PTPRD: variants seen among roughly 807,000 people sequenced by gnomAD.
PTPRD encodes the protein receptor-type tyrosine-protein phosphatase delta.
In PTPRD, 34 loss-of-function variants were observed where a neutral mutation model predicts 214.5. The observed-to-expected ratio is 0.16, with a 90% CI of 0.12 to 0.21. The LOEUF (loss-of-function observed/expected upper bound fraction) is 0.21. Ranked by LOEUF, PTPRD falls within the 10% of genes least tolerant of loss-of-function variation. The pLI is 1.00. For synonymous variants in PTPRD, 1,128 were observed against 845.7 expected, an observed-to-expected ratio of 1.33 and a Z score of -5.79; for missense variants, 2,545 against 2,398.7, an observed-to-expected ratio of 1.06 and a Z score of -1.27.
intron 3 of PTPRD, among the ~76,000 whole-genome samples, chr9:10,094,039 T>C (rs146159883): frequency 1.1e-3 from 171 of 151,398 alleles, no homozygotes; most frequent in African/African-American, 3.9e-3. Flanking sequence ...CTCAGCATCA[T>C]GCAATATATC....
At chr9:9,751,086 T>C (rs991479989) in intron 6 of PTPRD, among the ~76,000 whole-genome samples, 1 of 152,088 alleles carries the variant, frequency 6.6e-6, no homozygotes, top group South Asian at 2.1e-4. Context: ...TGAATGAAGA[T>C]TCTAAACATG....
intron 5 of PTPRD, among the ~76,000 whole-genome samples, chr9:9,910,024 T>C (rs956464787): frequency 5.3e-5 from 8 of 151,956 alleles, no homozygotes; most frequent in Non-Finnish European, 8.8e-5. Context: ...GGTAAATATA[T>C]GGTCTCTGGA....
At chr9:10,228,636 C>G (rs1419566969) in intron 3 of PTPRD, among the ~76,000 whole-genome samples, 3 of 151,168 alleles carry the variant, frequency 2.0e-5, no homozygotes, top group African/African-American at 4.9e-5. Flanking sequence ...TTCACCTGCT[C>G]TATCTGTATT....
chr9:8,433,834 A>C (rs2095217267), intron 35 of PTPRD, among the ~76,000 whole-genome samples: 1 of 152,198 alleles, frequency 6.6e-6, no homozygotes, highest in Non-Finnish European at 1.5e-5. Flanking sequence ...GTATAGCTTA[A>C]GTTTATAGTG....
rs114262255 is a variant in PTPRD, at chr9:8,901,668, C to T, written c.-104+117029G>A. Reference sequence around the variant, plus strand: ...TTCCCCTTCTTTCTCTGGCTACTCCCAATTAATTAGCCATGCTAGTGTATC... The same window carrying T: ...TTCCCCTTCTTTCTCTGGCTACTCCTAATTAATTAGCCATGCTAGTGTATC... On this transcript the variant is annotated intron_variant, in intron 11 of 45. Coordinates refer to ENST00000381196, the MANE Select transcript of PTPRD (RefSeq NM_002839.4). Among the ~76,000 whole-genome samples, 232 of 152,264 alleles carry T rather than the reference C, an allele frequency of 1.5e-3. 1 individual carries two copies. The highest frequency in any genetic ancestry group is 5.3e-3 in the African/African-American group (219 of 41,558).
chr9:8,650,618 C>T (rs1314166655), intron 12 of PTPRD, among the ~76,000 whole-genome samples: 2 of 150,276 alleles, frequency 1.3e-5, no homozygotes, highest in Non-Finnish European at 2.9e-5. Flanking sequence ...CTTGCCTATA[C>T]ACCAGTGTTT....
chr9:8,518,221 T>C lies in PTPRD; in HGVS notation c.1170A>G (p.Glu390=), dbSNP rs1307669730. 2 of 1,614,042 alleles carry C rather than the reference T, an allele frequency of 1.2e-6. No homozygotes were observed. Among genetic ancestry groups the C allele is most frequent in the African/African-American group, 2.7e-5 (2 of 74,928 alleles). ...TGTTATTGACAGCAACAACCCTGAA[T>C]TCATAATCCGAGTAGGGACTTAGTC... The part of the protein sequence containing the change: ...VAGLSPYSDY[E]FRVVAVNNIG... Residue 390 remains glutamate, a synonymous_variant, in exon 21 of 46, where the codon GAA becomes GAG. Coordinates refer to ENST00000381196, the MANE Select transcript of PTPRD (RefSeq NM_002839.4).
chr9:8,580,791 C>T (rs574963012), intron 14 of PTPRD, among the ~76,000 whole-genome samples: 42 of 152,206 alleles, frequency 2.8e-4, no homozygotes, highest in Middle Eastern at 6.8e-3. Context: ...CACACACACA[C>T]GCTTATATAA....
At chr9:8,698,497 A>G (rs906790901) in intron 12 of PTPRD, among the ~76,000 whole-genome samples, 1 of 152,230 alleles carries the variant, frequency 6.6e-6, no homozygotes, top group Admixed American at 6.5e-5. Context: ...ATTAACAAAT[A>G]GCTGGATTTA....
chr9:8,906,421 G>A (rs2098708140), intron 11 of PTPRD, among the ~76,000 whole-genome samples: 1 of 152,072 alleles, frequency 6.6e-6, no homozygotes, highest in Non-Finnish European at 1.5e-5. Flanking sequence ...AAGTTACTTT[G>A]TCTTGATATA....
chr9:10,310,668 A>G (rs1405816547), intron 3 of PTPRD, among the ~76,000 whole-genome samples: 1 of 152,116 alleles, frequency 6.6e-6, no homozygotes, highest in Admixed American at 6.6e-5. Context: ...CCCAATGGAC[A>G]TTAAAGCTTT....
intron 2 of PTPRD, among the ~76,000 whole-genome samples, chr9:10,516,099 G>C (rs538935848): frequency 2.0e-5 from 3 of 151,890 alleles, no homozygotes; most frequent in East Asian, 3.9e-4. Context: ...TCCAAAAATA[G>C]GATTGATGGG....
chr9:8,873,302 T>C (rs2098334138), intron 11 of PTPRD, among the ~76,000 whole-genome samples: 3 of 152,226 alleles, frequency 2.0e-5, no homozygotes, highest in African/African-American at 4.8e-5. Flanking sequence ...ATCTCTATCC[T>C]ATTGCCCTGC....
At chr9:10,157,671 T>C (rs922339183) in intron 3 of PTPRD, among the ~76,000 whole-genome samples, 7 of 152,150 alleles carry the variant, frequency 4.6e-5, no homozygotes, top group Non-Finnish European at 1.0e-4. Flanking sequence ...TAAATGTAAA[T>C]GTTGGCCTTT....
chr9:8,761,993 A>G (rs542923209), intron 11 of PTPRD, among the ~76,000 whole-genome samples: 2 of 152,298 alleles, frequency 1.3e-5, no homozygotes, highest in South Asian at 4.1e-4. Context: ...CAGATGCCCA[A>G]TTTAGGTACA....
At chr9:9,551,501 T>C (rs944517729) in intron 8 of PTPRD, among the ~76,000 whole-genome samples, 2 of 151,928 alleles carry the variant, frequency 1.3e-5, no homozygotes, top group African/African-American at 4.8e-5. Flanking sequence ...TATATATATA[T>C]GAAAATTCAC....
At chr9:9,259,721 C>A (rs1490052208) in intron 9 of PTPRD, among the ~76,000 whole-genome samples, 1 of 151,868 alleles carries the variant, frequency 6.6e-6, no homozygotes, top group East Asian at 2.0e-4. Flanking sequence ...ACAATTATCA[C>A]CAATAAACTT....
intron 39 of PTPRD, among the ~76,000 whole-genome samples, chr9:8,352,955 A>G (rs911820250): frequency 2.0e-5 from 3 of 152,068 alleles, no homozygotes; most frequent in African/African-American, 7.2e-5. Context: ...TACTAAAACT[A>G]CAAAAATTAG....
intron 4 of PTPRD, among the ~76,000 whole-genome samples, chr9:9,992,941 A>C (rs933733255): frequency 3.3e-5 from 5 of 151,578 alleles, no homozygotes; most frequent in African/African-American, 9.7e-5. Context: ...CTAGAACTTA[A>C]AGTAAAATAA....
Sources: gnomAD v4.1 joint callset for allele counts (sites outside exome capture counted in the v4.1 genomes callset) on GRCh38, gnomAD v4.1.1 for gene constraint, MANE v1.5 for transcripts, NCBI Gene and HGNC (gene_info 2026-07-23, HGNC 2026-07-21) for gene names.